Variants in CPS1 observed in about 807,000 individuals in gnomAD.
CPS1 encodes the protein carbamoyl-phosphate synthase [ammonia], mitochondrial.
In CPS1, 109 loss-of-function variants were observed where a neutral mutation model predicts 174.6. That is an observed-to-expected ratio of 0.62 (90% CI 0.53 to 0.73). The LOEUF (loss-of-function observed/expected upper bound fraction) is 0.73. CPS1 is among the 30% of genes least tolerant of loss of function. The probability of loss-of-function intolerance (pLI) is 0.00; values close to 1 mark genes in which losing one functional copy is unlikely to be tolerated. For missense variants in CPS1, 1,689 were observed against 1,821.9 expected, an observed-to-expected ratio of 0.93 and a Z score of 1.33; for synonymous variants, 637 against 632.0, an observed-to-expected ratio of 1.01 and a Z score of -0.12.
intron 1 of CPS1, among the ~76,000 whole-genome samples, chr2:210,564,893 G>C (rs1697250135): frequency 6.6e-6 from 1 of 151,994 alleles, no homozygotes; most frequent in Non-Finnish European, 1.5e-5. Flanking sequence ...TACTCGGGAG[G>C]CTGAAACAGG....
intron 21 of CPS1, among the ~76,000 whole-genome samples, chr2:210,622,488 TAGAC>T (rs1416679737): frequency 1.3e-5 from 2 of 151,664 alleles, no homozygotes; most frequent in African/African-American, 4.8e-5. Flanking sequence ...CTACCTAAAA[TAGAC>T]AGCTTCAGTT....
chr2:210,669,636 C>T (rs562604745), intron 34 of CPS1, among the ~76,000 whole-genome samples: 2 of 152,158 alleles, frequency 1.3e-5, no homozygotes, highest in South Asian at 2.1e-4. Flanking sequence ...AGAAGGACGA[C>T]GGTGAATAGT....
intron 1 of CPS1, among the ~76,000 whole-genome samples, chr2:210,532,264 A>G (rs779130329): frequency 1.4e-4 from 21 of 152,286 alleles, no homozygotes; most frequent in Middle Eastern, 3.4e-3. Flanking sequence ...ATCGTTGCCA[A>G]ATTTCAAGAG....
chr2:210,549,228 A>G (rs958487860), intron 1 of CPS1, among the ~76,000 whole-genome samples: 2 of 152,038 alleles, frequency 1.3e-5, no homozygotes, highest in Non-Finnish European at 2.9e-5. Flanking sequence ...GAATCTTGCA[A>G]AATCATTTGT....
At chr2:210,577,586 C>A in intron 4 of CPS1, 76 bp downstream of exon 4, 1 of 1,028,494 alleles carries the variant, frequency 9.7e-7, no homozygotes, top group Non-Finnish European at 1.5e-6. Context: ...AAGTGCCAAG[C>A]AGACAGAGGA....
At chr2:210,618,028 G>C (rs923431858) in intron 21 of CPS1, 1 of 151,960 alleles carries the variant, frequency 6.6e-6, no homozygotes, top group East Asian at 1.9e-4. Context: ...CTTGACATAC[G>C]TTCTGATTTT....
intron 1 of CPS1, among the ~76,000 whole-genome samples, chr2:210,559,951 T>C (rs1697044457): frequency 6.6e-6 from 1 of 152,078 alleles, no homozygotes; most frequent in Admixed American, 6.6e-5. Context: ...ATTCTATACA[T>C]TTTAGTAGAA....
chr2:210,632,586 C>T, intron 21 of CPS1, among the ~76,000 whole-genome samples: 1 of 152,142 alleles, frequency 6.6e-6, no homozygotes. Context: ...GAGAATTGAC[C>T]TGCTTCCATT....
chr2:210,598,700 C>T lies in CPS1; in HGVS notation c.1360-672C>T, dbSNP rs545890717. Among the ~76,000 whole-genome samples the T allele has an allele frequency of 8.6e-5, 13 of 151,930 alleles. No homozygotes were observed. The South Asian group carries it at 2.5e-3, about 29-fold the overall frequency. The stretch of plus-strand genomic sequence containing the variant: ...ATATATGCACCCAACACAGGAGCAC[C>T]CAGTTTCATAAAGCAAGTTCTTAGA... On this transcript the variant is annotated intron_variant, in intron 13 of 37. Transcript: ENST00000233072.
rs559607155 is a variant in CPS1, at chr2:210,658,985, C to T, written c.3756+297C>T. On this transcript the variant is annotated intron_variant, in intron 31 of 37. Coordinates refer to ENST00000233072, the MANE Select transcript of CPS1 (RefSeq NM_001875.5). The stretch of plus-strand genomic sequence containing the variant: ...AGATGGATACGGTGAGACAGACTAT[C>T]ATAAATAAATGGAATGTGTAGAGTA... Among the ~76,000 whole-genome samples the T allele has an allele frequency of 1.3e-4, 20 of 152,260 alleles. No homozygotes were observed. In the South Asian group the frequency reaches 4.1e-3, roughly 32 times the overall value.
rs115985844 is a variant in CPS1 at position 210,639,067 on chromosome 2, T to G, written c.2830-83T>G. ...TACAGTAATAGGAATTAAAGGAATATGTATATAAAGCACAAAAAATTTAGT... is the reference window on the plus strand; with the variant it reads ...TACAGTAATAGGAATTAAAGGAATAGGTATATAAAGCACAAAAAATTTAGT... On this transcript the variant is annotated intron_variant, in intron 22 of 37. Transcript: ENST00000233072. 2,307 of 1,009,468 alleles carry G rather than the reference T, an allele frequency of 2.3e-3. 40 individuals are homozygous for G. In the African/African-American group the frequency reaches 0.03, roughly 13 times the overall value. The allele number at this position is 1,009,468 out of a possible 1,614,324, so 62.5% of individuals were successfully genotyped here. A position where few individuals can be genotyped will look rare whatever the true frequency, so the allele number is the denominator to read the frequency against.
chr2:210,633,844 C>T (rs1036442727), intron 21 of CPS1, among the ~76,000 whole-genome samples: 1 of 152,088 alleles, frequency 6.6e-6, no homozygotes, highest in Non-Finnish European at 1.5e-5. Context: ...TTGAAGAACC[C>T]GCACTTATGG....
At chr2:210,637,640 T>G in intron 21 of CPS1, 62 bp from the exon 22 acceptor site, 1 of 1,571,602 alleles carries the variant, frequency 6.4e-7, no homozygotes, top group Non-Finnish European at 8.7e-7. Flanking sequence ...GAAATTGAAC[T>G]TGTCACCGCT....
At chr2:210,524,836 C>T (rs1206588712) in intron 1 of CPS1, among the ~76,000 whole-genome samples, 1 of 151,912 alleles carries the variant, frequency 6.6e-6, no homozygotes, top group African/African-American at 2.4e-5. Flanking sequence ...TTTGGCTGTT[C>T]TTTCTGTGCA....
chr2:210,620,188 A>G (rs556634596), intron 21 of CPS1, among the ~76,000 whole-genome samples: 86 of 152,282 alleles, frequency 5.6e-4, no homozygotes, highest in African/African-American at 1.9e-3. Flanking sequence ...TTAAGATAAA[A>G]TACAATGGAA....
intron 18 of CPS1, among the ~76,000 whole-genome samples, chr2:210,607,907 T>C (rs2105851699): frequency 6.6e-6 from 1 of 152,038 alleles, no homozygotes; most frequent in East Asian, 2.0e-4. Flanking sequence ...AAACTTGAAA[T>C]GCCTACATTT....
At chr2:210,498,934 T>A (rs1695073366) in intron 1 of CPS1, among the ~76,000 whole-genome samples, 1 of 152,146 alleles carries the variant, frequency 6.6e-6, no homozygotes, top group South Asian at 2.1e-4. Context: ...TGCTTCACCA[T>A]GGTGTCTGAA....
intron 1 of CPS1, among the ~76,000 whole-genome samples, chr2:210,532,040 C>T (rs1349600944): frequency 6.6e-6 from 1 of 152,104 alleles, no homozygotes; most frequent in Admixed American, 6.6e-5. Context: ...GAAAATCACA[C>T]AATTCTTTGG....
intron 13 of CPS1, 104 bp downstream of exon 13, chr2:210,595,686 ATAAT>A: frequency 1.2e-6 from 1 of 831,404 alleles, no homozygotes; most frequent in Non-Finnish European, 2.0e-6. Flanking sequence ...CAAAGTTGCT[ATAAT>A]TATTTTCCTT....
Sources: gnomAD v4.1 joint callset for allele counts (sites outside exome capture counted in the v4.1 genomes callset) on GRCh38, gnomAD v4.1.1 for gene constraint, MANE v1.5 for transcripts, NCBI Gene and HGNC (gene_info 2026-07-23, HGNC 2026-07-21) for gene names.